BCR: variants seen among roughly 807,000 people sequenced by gnomAD.
BCR encodes breakpoint cluster region protein.
Under a neutral mutation model 138.6 loss-of-function variants are expected in BCR, and 58 were observed. That is an observed-to-expected ratio of 0.42 (90% CI 0.34 to 0.52). The LOEUF (loss-of-function observed/expected upper bound fraction) is 0.52, where lower values mean the gene tolerates loss of function less well. Ranked by LOEUF, BCR falls within the 20% of genes least tolerant of loss-of-function variation. The pLI is 0.06. For synonymous variants in BCR, 786 were observed against 730.1 expected (o/e 1.08, Z -1.23); for missense variants, 1,599 against 1,727.2 (o/e 0.93, Z 1.32).
At chr22:23,239,983 A>AT (rs2073071283) in intron 1 of BCR, among the ~76,000 whole-genome samples, 1 of 152,112 alleles carries the variant, frequency 6.6e-6, no homozygotes, top group East Asian at 1.9e-4. Flanking sequence ...TACCTGGCTA[A>AT]TTTTTATATT....
rs2072279917 is a variant in BCR, at chr22:23,182,292, A to G, written c.1279+53A>G. On this transcript the variant is annotated intron_variant, in intron 1 of 22. Transcript: ENST00000305877. ...CACACCTGCACGGGGGAGGAAAACCATAGACGAGTAGGGGATACAAAACAG... is the reference window on the plus strand; with the variant it reads ...CACACCTGCACGGGGGAGGAAAACCGTAGACGAGTAGGGGATACAAAACAG... 16 of 1,470,808 alleles carry G rather than the reference A, an allele frequency of 1.1e-5. No individual in the cohort carries two copies. In the South Asian group the frequency reaches 1.3e-4, roughly 12 times the overall value. The allele number at this position is 1,470,808 out of a possible 1,614,324, so 91.1% of individuals were successfully genotyped here.
At chr22:23,226,201 C>T (rs902979220) in intron 1 of BCR, among the ~76,000 whole-genome samples, 2 of 152,214 alleles carry the variant, frequency 1.3e-5, no homozygotes, top group African/African-American at 4.8e-5. Context: ...GAATCAAGAT[C>T]CTGGCTGACA....
At position 23,295,101 on chromosome 22, in the gene BCR, CCCCAAGGA is replaced by C; in HGVS notation, c.2959_2966del (p.Pro987GlyfsTer120). ...AAAAGTGTTACAACAAGACGAAGAT[CCCCAAGGA>C]GGACGGCGAGAGCACGGACAGACTC... is the stretch of plus-strand genomic sequence containing the variant. On this transcript the variant is annotated frameshift_variant, in exon 16 of 23. Transcript: ENST00000305877. LOFTEE classifies it high-confidence loss of function. 1 of 1,614,170 alleles carries C rather than the reference CCCCAAGGA, an allele frequency of 6.2e-7. No individual in the cohort carries two copies. The highest frequency in any genetic ancestry group is 2.2e-5 in the East Asian group (1 of 44,870).
At chr22:23,293,109 T>C (rs1257578277) in intron 15 of BCR, among the ~76,000 whole-genome samples, 1 of 152,024 alleles carries the variant, frequency 6.6e-6, no homozygotes, top group East Asian at 1.9e-4. Flanking sequence ...TTCCTCCACC[T>C]TGGAGAGCTG....
intron 16 of BCR, among the ~76,000 whole-genome samples, chr22:23,297,864 A>G (rs1017249924): frequency 6.6e-6 from 1 of 152,134 alleles, no homozygotes; most frequent in African/African-American, 2.4e-5. Context: ...CTGTGTTATC[A>G]TGTCAGGCCA....
intron 6 of BCR, among the ~76,000 whole-genome samples, chr22:23,272,529 G>A: frequency 6.6e-6 from 1 of 152,158 alleles, no homozygotes; most frequent in South Asian, 2.1e-4. Flanking sequence ...ATGCCAGGGA[G>A]TTGCTCCCAC....
Position 23,189,211 on chromosome 22 carries a change from C to T in BCR, c.1279+6972C>T, listed in dbSNP as rs117530453. On this transcript the variant is annotated intron_variant, in intron 1 of 22. Transcript: ENST00000305877. Reference sequence around the variant, plus strand: ...TTTCTCCATTTTTAAGTGTACAGTTCAGTGGCATTAAGTACATCACCTTGT... The same window carrying T: ...TTTCTCCATTTTTAAGTGTACAGTTTAGTGGCATTAAGTACATCACCTTGT... Among the ~76,000 whole-genome samples the T allele has an allele frequency of 1.1e-4, 16 of 152,240 alleles. No homozygotes were observed. The East Asian group carries it at 3.1e-3, about 29-fold the overall frequency.
intron 16 of BCR, among the ~76,000 whole-genome samples, chr22:23,305,065 G>A (rs910019823): frequency 6.6e-5 from 10 of 151,178 alleles, no homozygotes; most frequent in African/African-American, 2.4e-4. Context: ...AGTCAGCCGA[G>A]ATCTCGCCAC....
intron 1 of BCR, among the ~76,000 whole-genome samples, chr22:23,184,259 A>T (rs929968426): frequency 1.1e-4 from 16 of 146,030 alleles, no homozygotes; most frequent in African/African-American, 3.8e-4. Flanking sequence ...CTAATTTTTA[A>T]TTTTTTTTTT....
chr22:23,267,945 T>G (rs1202716307), intron 4 of BCR, among the ~76,000 whole-genome samples: 1 of 152,232 alleles, frequency 6.6e-6, no homozygotes, highest in African/African-American at 2.4e-5. Context: ...ACGGCCGGAC[T>G]TGGCATTTCT....
chr22:23,243,282 G>T (rs2073118487), intron 1 of BCR, among the ~76,000 whole-genome samples: 2 of 152,122 alleles, frequency 1.3e-5, no homozygotes, highest in South Asian at 2.1e-4. Context: ...TAGAGGGTTG[G>T]AACTTTAGCT....
At chr22:23,262,984 G>A (rs572153715) in intron 4 of BCR, 1 of 881,516 alleles carries the variant, frequency 1.1e-6, no homozygotes, top group Non-Finnish European at 1.5e-6. Flanking sequence ...GGAGATGAGG[G>A]GAGCGTAGGG....
chr22:23,213,324 G>A (rs1223230113), intron 1 of BCR, among the ~76,000 whole-genome samples: 5 of 152,192 alleles, frequency 3.3e-5, no homozygotes, highest in African/African-American at 1.2e-4. Flanking sequence ...TGAGTCCTGG[G>A]GGCCCTGAGT....
chr22:23,286,101 G>T (rs2073708454), intron 10 of BCR, among the ~76,000 whole-genome samples: 1 of 152,232 alleles, frequency 6.6e-6, no homozygotes, highest in African/African-American at 2.4e-5. Context: ...GGAGGGCTTG[G>T]AGTAGTCCAG....
chr22:23,186,190 C>T (rs1008871496), intron 1 of BCR, among the ~76,000 whole-genome samples: 8 of 152,176 alleles, frequency 5.3e-5, no homozygotes, highest in African/African-American at 1.7e-4. Flanking sequence ...CAGAGAGTAG[C>T]CGTTTGCCCT....
rs756934498 is a variant in BCR at position 23,181,396 on chromosome 22, G to A, written c.436G>A (p.Gly146Arg). 1.9e-6 allele frequency: 3 copies of A among 1,559,214 alleles called. No homozygotes were observed. Among genetic ancestry groups the A allele is most frequent in the Non-Finnish European group, 2.6e-6 (3 of 1,153,408 alleles). Residue 146 changes from glycine to arginine, a missense_variant, in exon 1 of 23, where the codon GGA (glycine) becomes AGA (arginine). By Grantham distance (125) the Gly-to-Arg change is moderately radical. Around this residue, in one of 4 missense-constraint regions of BCR, gnomAD observed 806 missense variants for 635.0 expected, o/e 1.27. Transcript: ENST00000305877. ...CGCGTCGGGGGAACGGGACGACCGG[G>A]GACCCCCCGCCAGCGTGGCGGCGCT... The part of the protein sequence containing the change: ...AAASGERDDR[G>R]PPASVAALRS...
chr22:23,291,476 C>T (rs2073786567), intron 14 of BCR, among the ~76,000 whole-genome samples: 1 of 152,058 alleles, frequency 6.6e-6, no homozygotes, highest in East Asian at 1.9e-4. Context: ...CTCCTGGGCC[C>T]CTGTCTCTGG....
chr22:23,206,569 T>TC (rs1442893672), intron 1 of BCR, among the ~76,000 whole-genome samples: 1 of 144,032 alleles, frequency 6.9e-6, no homozygotes, highest in Non-Finnish European at 1.5e-5. Context: ...ATAGCGAGAC[T>TC]CCGTCTCAAA....
chr22:23,290,209 C>A, intron 13 of BCR, 130 bp from the exon 14 acceptor site: 1 of 917,386 alleles, frequency 1.1e-6, no homozygotes. Flanking sequence ...ATGACACTGG[C>A]TTACCTTGTG....
Sources: allele counts gnomAD v4.1 joint callset (sites outside exome capture counted in the v4.1 genomes callset), GRCh38; gene constraint gnomAD v4.1.1; regional missense constraint gnomAD v4.1.1; transcripts MANE v1.5; gene names NCBI Gene and HGNC (gene_info 2026-07-23, HGNC 2026-07-21).